Variants in FAM151B observed in about 807,000 individuals in gnomAD.
The protein encoded by FAM151B is family with sequence similarity 151 member B, also known as protein FAM151B.
A neutral mutation model predicts 31.2 loss-of-function variants in FAM151B; 24 were observed. That is an observed-to-expected ratio of 0.77 (90% CI 0.56 to 1.08). The LOEUF (loss-of-function observed/expected upper bound fraction) is 1.08, where lower values mean the gene tolerates loss of function less well. Among genes scored for constraint, FAM151B ranks in the 50% least tolerant of loss-of-function variants. The probability of loss-of-function intolerance (pLI) is 0.00; values close to 1 mark genes in which losing one functional copy is unlikely to be tolerated. For synonymous variants in FAM151B, 105 were observed against 111.4 expected, an observed-to-expected ratio of 0.94 and a Z score of 0.36; for missense variants, 293 against 328.6, an observed-to-expected ratio of 0.89 and a Z score of 0.84.
intron 2 of FAM151B, among the ~76,000 whole-genome samples, chr5:80,508,854 A>T (rs947359628): frequency 6.6e-6 from 1 of 152,058 alleles, no homozygotes; most frequent in African/African-American, 2.4e-5. Context: ...TACATGAGGC[A>T]CCTTCTTTCT....
At chr5:80,516,839 T>C (rs1235742567) in intron 3 of FAM151B, among the ~76,000 whole-genome samples, 2 of 152,278 alleles carry the variant, frequency 1.3e-5, no homozygotes, top group African/African-American at 2.4e-5. Context: ...TTATTTCTTG[T>C]AGTATACAGT....
At chr5:80,494,456 T>TTTCTTTCTTTTCTTTC (rs753640131) in intron 1 of FAM151B, among the ~76,000 whole-genome samples, 312 of 82,708 alleles carry the variant, frequency 3.8e-3, no homozygotes, top group Middle Eastern at 0.013. Flanking sequence ...TCTTTCTTTC[T>TTTCTTTCTTTTCTTTC]TTTCTTTCTT....
At chr5:80,500,142 C>T (rs1287029242) in intron 1 of FAM151B, among the ~76,000 whole-genome samples, 1 of 151,748 alleles carries the variant, frequency 6.6e-6, no homozygotes, top group Non-Finnish European at 1.5e-5. Context: ...GTGAAATAAG[C>T]CAGACACAGA....
intron 5 of FAM151B, among the ~76,000 whole-genome samples, chr5:80,532,648 G>A (rs927099878): frequency 3.9e-5 from 6 of 152,138 alleles, no homozygotes; most frequent in African/African-American, 1.4e-4. Context: ...TAGAGCAAAT[G>A]CATCTAACAG....
chr5:80,538,450 C>G (rs372329567), intron 5 of FAM151B, among the ~76,000 whole-genome samples: 2 of 69,926 alleles, frequency 2.9e-5, no homozygotes, highest in African/African-American at 1.2e-4. Flanking sequence ...CTTTCTTTCT[C>G]TTTCTTTCTT....
intron 1 of FAM151B, among the ~76,000 whole-genome samples, chr5:80,492,410 G>A (rs569836915): frequency 7.2e-5 from 11 of 152,280 alleles, no homozygotes; most frequent in Middle Eastern, 3.4e-3. Flanking sequence ...ATCTGTAAAT[G>A]TGGTGTGTGA....
intron 1 of FAM151B, among the ~76,000 whole-genome samples, chr5:80,494,594 C>T (rs981520784): frequency 6.6e-6 from 1 of 151,318 alleles, no homozygotes; most frequent in African/African-American, 2.4e-5. Context: ...CTAATTGCAG[C>T]CTGGACCTCC....
chr5:80,491,221 T>TATTATC (rs1433620478), intron 1 of FAM151B, among the ~76,000 whole-genome samples: 1 of 151,758 alleles, frequency 6.6e-6, no homozygotes, highest in African/African-American at 2.4e-5. Flanking sequence ...TTATTATTAT[T>TATTATC]ATTATTATCA....
At chr5:80,527,442 T>A (rs1229062669) in intron 5 of FAM151B, among the ~76,000 whole-genome samples, 20 of 151,472 alleles carry the variant, frequency 1.3e-4, no homozygotes, top group Non-Finnish European at 2.8e-4. Context: ...AAAAAAAAAA[T>A]TTCATTAGGT....
Position 80,519,698 on chromosome 5 carries a change from C to T in FAM151B, c.323C>T (p.Ala108Val), listed in dbSNP as rs1744612848. 6.2e-7 allele frequency: 1 copy of T among 1,611,728 alleles called. No individual in the cohort carries two copies. Among genetic ancestry groups the T allele is most frequent in the Non-Finnish European group, 8.5e-7 (1 of 1,178,940 alleles). ...KGIKLDFKSL[A>V]VVEPSMMLLE... ...ACAACAAATTATGTTTTTAGTCTGG[C>T]AGTTGTAGAACCATCCATGATGCTC... Residue 108 changes from alanine to valine, a missense_variant, in exon 4 of 6, where the codon GCA (alanine) becomes GTA (valine). Physicochemically the swap from Ala to Val is moderately conservative, Grantham distance 64 (BLOSUM62 0). Transcript: ENST00000282226.
chr5:80,497,648 T>G (rs1316643978), intron 1 of FAM151B, among the ~76,000 whole-genome samples: 2 of 152,078 alleles, frequency 1.3e-5, no homozygotes, highest in Non-Finnish European at 2.9e-5. Context: ...TAAGGAAAAC[T>G]TCTTACTTTA....
intron 5 of FAM151B, among the ~76,000 whole-genome samples, chr5:80,539,027 A>T (rs1226146568): frequency 1.9e-5 from 2 of 105,414 alleles, no homozygotes; most frequent in African/African-American, 3.8e-5. Context: ...TACATGGTGG[A>T]GCTCTTTCTG....
intron 5 of FAM151B, among the ~76,000 whole-genome samples, chr5:80,539,886 CT>C (rs1745798587): frequency 2.6e-5 from 4 of 152,118 alleles, no homozygotes; most frequent in Non-Finnish European, 5.9e-5. Flanking sequence ...ACTACCACAT[CT>C]CCTTCACCCA....
At chr5:80,489,281 C>G (rs914297731) in intron 1 of FAM151B, among the ~76,000 whole-genome samples, 1 of 151,898 alleles carries the variant, frequency 6.6e-6, no homozygotes, top group African/African-American at 2.4e-5. Context: ...TTGTTTTTAT[C>G]CTGGACACGA....
intron 5 of FAM151B, among the ~76,000 whole-genome samples, chr5:80,528,228 C>A (rs1745059237): frequency 6.6e-6 from 1 of 151,744 alleles, no homozygotes; most frequent in South Asian, 2.1e-4. Context: ...CAAAAAGTAA[C>A]AAGCAAGAAG....
rs147631739 is a variant in FAM151B at position 80,538,808 on chromosome 5, A to G, written c.672-2865A>G. On this transcript the variant is annotated intron_variant, in intron 5 of 5. Coordinates refer to ENST00000282226, the MANE Select transcript of FAM151B (RefSeq NM_205548.3). Reference sequence around the variant, plus strand: ...GAGACGGGGTTTTGCTACATTGGCCAGGCTGGTCTTGAACGCCTGACCTCA... The same window carrying G: ...GAGACGGGGTTTTGCTACATTGGCCGGGCTGGTCTTGAACGCCTGACCTCA... 6.8e-3 allele frequency among the ~76,000 whole-genome samples: 1,027 copies of G among 151,882 alleles called. 8 individuals are homozygous for G. Among genetic ancestry groups the G allele is most frequent in the African/African-American group, 0.023 (965 of 41,410 alleles).
chr5:80,531,224 A>G (rs1274889784), intron 5 of FAM151B, among the ~76,000 whole-genome samples: 4 of 152,244 alleles, frequency 2.6e-5, no homozygotes, highest in African/African-American at 9.6e-5. Context: ...TACACCTTAT[A>G]CAAAAATTAA....
chr5:80,492,476 T>A (rs1743368537), intron 1 of FAM151B, among the ~76,000 whole-genome samples: 2 of 152,042 alleles, frequency 1.3e-5, no homozygotes, highest in Admixed American at 1.3e-4. Flanking sequence ...AAAAAATAAA[T>A]AAATAAATAT....
chr5:80,518,935 T>A (rs1048606878), intron 3 of FAM151B: 2 of 152,144 alleles, frequency 1.3e-5, no homozygotes, highest in Non-Finnish European at 2.9e-5. Context: ...TACAAGGTAA[T>A]TTTCTTATAA....
Sources: allele counts gnomAD v4.1 joint callset (sites outside exome capture counted in the v4.1 genomes callset), GRCh38; gene constraint gnomAD v4.1.1; transcripts MANE v1.5; gene names NCBI Gene and HGNC (gene_info 2026-07-23, HGNC 2026-07-21).